RANBP10: variants seen among roughly 807,000 people sequenced by gnomAD.
RANBP10 encodes the protein RAN binding protein 10.
RANBP10 carries 24 observed loss-of-function variants against 72.8 expected under a neutral mutation model. The observed-to-expected ratio is 0.33, with a 90% CI of 0.24 to 0.46. The LOEUF is 0.46. Ranked by LOEUF, RANBP10 falls within the 20% of genes least tolerant of loss-of-function variation. RANBP10 has a pLI of 1.00. For synonymous variants in RANBP10, 310 were observed against 322.3 expected, an observed-to-expected ratio of 0.96 and a Z score of 0.41; for missense variants, 679 against 817.5, an observed-to-expected ratio of 0.83 and a Z score of 2.07.
In RANBP10 at chr16:67,760,114, A is replaced by G. The variant is rs1039781666; in HGVS notation, c.400+11920T>C. On this transcript the variant is annotated intron_variant, in intron 3 of 13. Coordinates refer to ENST00000317506, the MANE Select transcript of RANBP10 (RefSeq NM_020850.3). ...GACTCCGTCTCAAAAAAAAAAAAAAAGAAAAAAGAAACCCATCTACATGCC... is the reference window on the plus strand; with the variant it reads ...GACTCCGTCTCAAAAAAAAAAAAAAGGAAAAAAGAAACCCATCTACATGCC... 1.4e-3 allele frequency among the ~76,000 whole-genome samples: 215 copies of G among 151,870 alleles called. 2 individuals are homozygous for G. The highest frequency in any genetic ancestry group is 2.4e-3 in the Non-Finnish European group (166 of 67,904).
intron 3 of RANBP10, among the ~76,000 whole-genome samples, chr16:67,758,609 C>T (rs553754807): frequency 1.3e-5 from 2 of 152,194 alleles, no homozygotes; most frequent in Non-Finnish European, 2.9e-5. Flanking sequence ...CTGCTTCACC[C>T]TAATGTGGCC....
intron 2 of RANBP10, among the ~76,000 whole-genome samples, chr16:67,773,694 A>T (rs548511336): frequency 5.3e-5 from 8 of 152,206 alleles, no homozygotes; most frequent in Non-Finnish European, 1.0e-4. Flanking sequence ...CACATGGCTT[A>T]GGGAAAAAGG....
chr16:67,765,146 G>A (rs2054473931), intron 3 of RANBP10, among the ~76,000 whole-genome samples: 2 of 117,956 alleles, frequency 1.7e-5, no homozygotes, highest in East Asian at 5.7e-4. Flanking sequence ...GTTGCACTGA[G>A]CCAAGATTGC....
intron 3 of RANBP10, among the ~76,000 whole-genome samples, chr16:67,749,769 T>C (rs1007132083): frequency 6.6e-6 from 1 of 152,224 alleles, no homozygotes; most frequent in Non-Finnish European, 1.5e-5. Flanking sequence ...GGAGACACTA[T>C]GGCTCCTGAT....
intron 3 of RANBP10, among the ~76,000 whole-genome samples, chr16:67,752,712 A>T (rs2054219283): frequency 6.6e-6 from 1 of 152,042 alleles, no homozygotes; most frequent in South Asian, 2.1e-4. Context: ...AATGTTGCAT[A>T]CCTCATTTAG....
chr16:67,787,369 A>G (rs1420444934), intron 2 of RANBP10, among the ~76,000 whole-genome samples: 1 of 152,162 alleles, frequency 6.6e-6, no homozygotes, highest in Non-Finnish European at 1.5e-5. Context: ...AAAAATGAAG[A>G]AAGAAATAAA....
intron 2 of RANBP10, among the ~76,000 whole-genome samples, chr16:67,782,390 A>C (rs1036973056): frequency 2.0e-4 from 30 of 152,150 alleles, no homozygotes; most frequent in African/African-American, 7.2e-4. Flanking sequence ...GCCTCCCAAA[A>C]TGCTTGGATT....
In RANBP10 at chr16:67,734,945, A is replaced by G; in HGVS notation, c.689T>C (p.Met230Thr). ...QPFLFDIEDY[M>T]REWRAKVQGT... ...CTGGACCTTGGCACGCCACTCCCGC[A>G]TGTAGTCCTCAATGTCAAACAGGAA... The change falls in exon 6 of 14, where the codon ATG (methionine) becomes ACG (threonine). Residue 230 changes from methionine (M) to threonine (T), a missense_variant. Physicochemically the swap from Met to Thr is moderately conservative, Grantham distance 81. Transcript: ENST00000317506. 1.2e-6 allele frequency: 2 copies of G among 1,614,138 alleles called. No homozygotes were observed. The highest frequency in any genetic ancestry group is 1.7e-6 in the Non-Finnish European group (2 of 1,180,008).
chr16:67,784,975 C>G (rs1386504959), intron 2 of RANBP10, among the ~76,000 whole-genome samples: 1 of 151,326 alleles, frequency 6.6e-6, no homozygotes. Context: ...TTTGGGAGGC[C>G]GAGGCGGGCA....
intron 3 of RANBP10, among the ~76,000 whole-genome samples, chr16:67,766,393 A>C (rs1447533025): frequency 1.3e-5 from 2 of 152,272 alleles, no homozygotes; most frequent in South Asian, 2.1e-4. Context: ...TGTCCCCTCC[A>C]AATCTCCTGT....
At chr16:67,777,463 G>A (rs1253084247) in intron 2 of RANBP10, among the ~76,000 whole-genome samples, 4 of 152,096 alleles carry the variant, frequency 2.6e-5, no homozygotes, top group African/African-American at 9.7e-5. Flanking sequence ...GTGAACCCAG[G>A]AGGCTGAGCT....
intron 3 of RANBP10, among the ~76,000 whole-genome samples, chr16:67,757,982 C>A (rs527893033): frequency 1.3e-5 from 2 of 152,308 alleles, no homozygotes; most frequent in Admixed American, 1.3e-4. Context: ...GTGGGGCATG[C>A]CTTCCCATGG....
intron 3 of RANBP10, among the ~76,000 whole-genome samples, chr16:67,752,226 T>C (rs1192766722): frequency 6.6e-6 from 1 of 152,202 alleles, no homozygotes; most frequent in African/African-American, 2.4e-5. Context: ...CAGAAGTGAT[T>C]AAGTTAAAGC....
chr16:67,780,741 AAC>A (rs1297795079), intron 2 of RANBP10, among the ~76,000 whole-genome samples: 8 of 152,224 alleles, frequency 5.3e-5, no homozygotes, highest in African/African-American at 1.9e-4. Flanking sequence ...TGCTCTTTAG[AAC>A]ACAGTTAATT....
chr16:67,736,552 C>T (rs951622741), intron 5 of RANBP10, among the ~76,000 whole-genome samples: 5 of 152,188 alleles, frequency 3.3e-5, no homozygotes, highest in South Asian at 2.1e-4. Flanking sequence ...GAGGACCTCT[C>T]GCTTCCTTTC....
At chr16:67,737,296 G>A (rs1395723357) in intron 5 of RANBP10, among the ~76,000 whole-genome samples, 1 of 149,666 alleles carries the variant, frequency 6.7e-6, no homozygotes, top group Non-Finnish European at 1.5e-5. Flanking sequence ...TGCCTCCCGG[G>A]TTCAGGCCAT....
At chr16:67,761,436 A>C (rs1216399449) in intron 3 of RANBP10, among the ~76,000 whole-genome samples, 1 of 152,248 alleles carries the variant, frequency 6.6e-6, no homozygotes, top group Admixed American at 6.5e-5. Context: ...TTGCTGTGCC[A>C]TCTTTTTCTA....
At chr16:67,795,517 C>T (rs1482563908) in intron 2 of RANBP10, among the ~76,000 whole-genome samples, 1 of 151,766 alleles carries the variant, frequency 6.6e-6, no homozygotes, top group Admixed American at 6.6e-5. Context: ...CCAGCCTGGG[C>T]AACAAGAGTG....
chr16:67,796,141 C>T lies in RANBP10; in HGVS notation c.347+9287G>A, dbSNP rs529402386. ...CCATGTCGGCCAGGCTGGTTTCAAA[C>T]TCCTGACCTTGTGATCCGCCTGCCT... On this transcript the variant is annotated intron_variant, in intron 2 of 13. Coordinates refer to ENST00000317506, the MANE Select transcript of RANBP10 (RefSeq NM_020850.3). Among the ~76,000 whole-genome samples, 40 of 152,184 alleles carry T rather than the reference C, an allele frequency of 2.6e-4. 1 individual carries two copies. The highest frequency in any genetic ancestry group is 1.7e-3 in the Admixed American group (26 of 15,272).
Sources: allele counts gnomAD v4.1 joint callset (sites outside exome capture counted in the v4.1 genomes callset), GRCh38; gene constraint gnomAD v4.1.1; transcripts MANE v1.5; gene names NCBI Gene and HGNC (gene_info 2026-07-23, HGNC 2026-07-21).